The following ADGRV1 variants were observed in gnomAD, a reference collection of about 807,000 sequenced individuals.
ADGRV1 encodes the protein G-protein coupled receptor 98.
ADGRV1 carries 359 observed loss-of-function variants against 596.2 expected under a neutral mutation model. The ratio of observed to expected loss-of-function variants is 0.60; its 90% CI spans 0.55 to 0.66. The LOEUF (loss-of-function observed/expected upper bound fraction) is 0.66, where lower values mean the gene tolerates loss of function less well. Ranked by LOEUF, ADGRV1 falls within the 30% of genes least tolerant of loss-of-function variation. The probability of loss-of-function intolerance (pLI) is 0.00; values close to 1 mark genes in which losing one functional copy is unlikely to be tolerated. For missense variants in ADGRV1, 7,274 were observed against 7,575.6 expected (o/e 0.96, Z 1.48); for synonymous variants, 2,681 against 2,679.2 (o/e 1.00, Z -0.02).
At chr5:90,875,048 C>T (rs1581392028) in intron 83 of ADGRV1, among the ~76,000 whole-genome samples, 1 of 152,102 alleles carries the variant, frequency 6.6e-6, no homozygotes, top group East Asian at 1.9e-4. Flanking sequence ...GGGTATGGGG[C>T]ACATGCCTGT....
intron 85 of ADGRV1, among the ~76,000 whole-genome samples, chr5:91,028,836 T>C (rs903851338): frequency 1.4e-5 from 2 of 148,144 alleles, no homozygotes; most frequent in African/African-American, 5.0e-5. Context: ...ACTCCTGAGG[T>C]CAGGGAGTCC....
At chr5:91,059,819 A>G (rs1787237847) in intron 85 of ADGRV1, among the ~76,000 whole-genome samples, 1 of 152,284 alleles carries the variant, frequency 6.6e-6, no homozygotes, top group South Asian at 2.1e-4. Context: ...TATCCCTTGC[A>G]TATTGGCCTT....
intron 1 of ADGRV1, among the ~76,000 whole-genome samples, chr5:90,595,033 G>A (rs2152003828): frequency 6.9e-6 from 1 of 145,476 alleles, no homozygotes; most frequent in African/African-American, 2.7e-5. Flanking sequence ...GCCGGGCAGA[G>A]GGGCTCCTCA....
At chr5:90,633,213 T>C (rs1204405972) in intron 9 of ADGRV1, among the ~76,000 whole-genome samples, 6 of 152,154 alleles carry the variant, frequency 3.9e-5, no homozygotes, top group Non-Finnish European at 8.8e-5. Flanking sequence ...AAAAGGCTTA[T>C]AGGCTAGGAA....
chr5:90,798,647 C>T (rs567326838), intron 70 of ADGRV1, among the ~76,000 whole-genome samples: 69 of 152,292 alleles, frequency 4.5e-4, no homozygotes, highest in African/African-American at 1.6e-3. Flanking sequence ...AGGCCAATAT[C>T]TGTGATGAAC....
chr5:90,729,763 A>G lies in ADGRV1; in HGVS notation c.10548A>G (p.Ile3516Met), dbSNP rs1038557125. Reference sequence around the variant, plus strand: ...ACTCCTTCACACCAGCCTCAGGAATAGGTAAGGACTTTTCAACTGCTCACC... The same window carrying G: ...ACTCCTTCACACCAGCCTCAGGAATGGGTAAGGACTTTTCAACTGCTCACC... ...RIHSFTPASGIAHILLIGQDM... is the reference protein window; with the variant it reads ...RIHSFTPASGMAHILLIGQDM... Residue 3516 changes from isoleucine to methionine, a missense_variant and splice_region_variant, in exon 50 of 90, where the codon ATA becomes ATG. Ile to Met is a conservative substitution (Grantham distance 10). This residue lies in a region of ADGRV1 where 3,643 missense variants were observed against 3,809.2 expected (regional missense o/e 0.96). Transcript: ENST00000405460. 5 of 1,613,104 alleles carry G rather than the reference A, an allele frequency of 3.1e-6. No homozygotes were observed. In the African/African-American group the frequency reaches 6.7e-5, roughly 22 times the overall value.
chr5:90,579,096 T>C (rs1757622712), intron 1 of ADGRV1, among the ~76,000 whole-genome samples: 1 of 152,202 alleles, frequency 6.6e-6, no homozygotes, highest in South Asian at 2.1e-4. Context: ...GTTTTGTGTC[T>C]CTGTCTCCTT....
intron 83 of ADGRV1, among the ~76,000 whole-genome samples, chr5:90,958,783 A>C (rs1777727875): frequency 6.6e-6 from 1 of 152,222 alleles, no homozygotes; most frequent in Non-Finnish European, 1.5e-5. Context: ...TTACCTCTTT[A>C]AAAACCTTAT....
rs201034231 is a variant in ADGRV1 at position 91,102,357 on chromosome 5, G to T, written c.18432+17G>T. ...AGTCTGCAGGTAAGCCTTACAATTT[G>T]GTTAGTGACAACATACATTTATCTT... On this transcript the variant is annotated intron_variant, in intron 87 of 89. Transcript: ENST00000405460. 1,235 of 1,563,936 alleles carry T rather than the reference G, an allele frequency of 7.9e-4. No individual in the cohort carries two copies. The highest frequency in any genetic ancestry group is 9.7e-4 in the Non-Finnish European group (1,126 of 1,156,956).
intron 89 of ADGRV1, among the ~76,000 whole-genome samples, chr5:91,155,120 T>C (rs1446343336): frequency 6.6e-6 from 1 of 152,106 alleles, no homozygotes; most frequent in African/African-American, 2.4e-5. Flanking sequence ...ATTTGAACAA[T>C]GAAGCTTAGA....
At chr5:90,783,062 C>A in intron 65 of ADGRV1, 62 bp from the exon 66 acceptor site, 2 of 1,367,094 alleles carry the variant, frequency 1.5e-6, no homozygotes, top group Non-Finnish European at 2.1e-6. Flanking sequence ...TTTAATTTGG[C>A]TGAATCTTAT....
chr5:90,969,904 C>T (rs866502018), intron 84 of ADGRV1, among the ~76,000 whole-genome samples: 3 of 152,192 alleles, frequency 2.0e-5, no homozygotes, highest in African/African-American at 4.8e-5. Flanking sequence ...ACCCACCGAG[C>T]GTGAGCCGAA....
In ADGRV1 at chr5:90,815,660, T is replaced by A. The variant is rs1254437087; in HGVS notation, c.16120T>A (p.Ser5374Thr). ...HNGIIGFSEE[S>T]QSGLELREGA... is the part of the protein sequence containing the mutation. ...TGGCATCATAGGATTCAGTGAGGAG[T>A]CCCAGAGTGGACTAGAACTCAGGGA... Residue 5374 changes from serine to threonine, a missense_variant, in exon 75 of 90, where the codon TCC becomes ACC. Ser to Thr is a moderately conservative substitution (Grantham distance 58). Transcript: ENST00000405460. 3 of 1,579,686 alleles carry A rather than the reference T, an allele frequency of 1.9e-6. No individual in the cohort carries two copies. The South Asian group carries it at 3.5e-5, about 18-fold the overall frequency.
chr5:90,969,793 G>A (rs748426902), intron 84 of ADGRV1, among the ~76,000 whole-genome samples: 6 of 152,224 alleles, frequency 3.9e-5, no homozygotes, highest in South Asian at 2.1e-4. Flanking sequence ...AGCTCCTAGC[G>A]TGAGCAACAC....
chr5:91,038,469 A>G lies in ADGRV1; in HGVS notation c.18153-33978A>G, dbSNP rs569462041. Among the ~76,000 whole-genome samples, 20 of 152,364 alleles carry G rather than the reference A, an allele frequency of 1.3e-4. 1 individual carries two copies. In the South Asian group the frequency reaches 4.1e-3, roughly 32 times the overall value. On this transcript the variant is annotated intron_variant, in intron 85 of 89. Transcript: ENST00000405460. ...AGCAAGAGTTGATAGTGCTCTGGCT[A>G]CAGACAGTGGCAGTGTAGATGAAGA... is the stretch of plus-strand genomic sequence containing the variant.
intron 82 of ADGRV1, among the ~76,000 whole-genome samples, chr5:90,860,772 A>C (rs1767479026): frequency 6.6e-6 from 1 of 151,852 alleles, no homozygotes; most frequent in Non-Finnish European, 1.5e-5. Context: ...TTAATAATGA[A>C]ATAATGATAA....
At position 90,759,500 on chromosome 5, in the gene ADGRV1, G is replaced by T. The variant is rs369044000; in HGVS notation, c.12032G>T (p.Gly4011Val). 2.3e-5 allele frequency: 37 copies of T among 1,612,324 alleles called. No homozygotes were observed. Among genetic ancestry groups the T allele is most frequent in the Non-Finnish European group, 3.0e-5 (35 of 1,178,902 alleles). Reference sequence around the variant, plus strand: ...ATTTCCTTGATCAGTGTTGCTGGAGGTGGCAGACTTGGTGATGATGTTGTG... The same window carrying T: ...ATTTCCTTGATCAGTGTTGCTGGAGTTGGCAGACTTGGTGATGATGTTGTG... ...FNISLISVAG[G>V]GRLGDDVVVT... The change falls in exon 58 of 90, where the codon GGT (glycine) becomes GTT (valine). Residue 4011 changes from glycine to valine, a missense_variant. Transcript: ENST00000405460.
intron 83 of ADGRV1, among the ~76,000 whole-genome samples, chr5:90,926,096 T>C (rs1226546387): frequency 7.1e-6 from 1 of 139,912 alleles, no homozygotes; most frequent in East Asian, 2.2e-4. Context: ...AAATTCTCTT[T>C]TTTGGTTGTG....
chr5:90,903,673 G>A (rs560004985), intron 83 of ADGRV1, among the ~76,000 whole-genome samples: 191 of 151,844 alleles, frequency 1.3e-3, no homozygotes, highest in African/African-American at 3.9e-3. Flanking sequence ...TACACAGTAC[G>A]TGACATGTTT....
Sources: allele counts gnomAD v4.1 joint callset (sites outside exome capture counted in the v4.1 genomes callset), GRCh38; gene constraint gnomAD v4.1.1; regional missense constraint gnomAD v4.1.1; transcripts MANE v1.5; gene names NCBI Gene and HGNC (gene_info 2026-07-23, HGNC 2026-07-21).